Variants in NPLOC4 observed in about 807,000 individuals in gnomAD.
The protein encoded by NPLOC4 is NPL4 homolog, ubiquitin recognition factor.
NPLOC4 carries 18 observed loss-of-function variants against 80.6 expected under a neutral mutation model. That is an observed-to-expected ratio of 0.22 (90% CI 0.15 to 0.33). NPLOC4 has a LOEUF of 0.33. Ranked by LOEUF, NPLOC4 falls within the 10% of genes least tolerant of loss-of-function variation. The pLI is 1.00. For synonymous variants in NPLOC4, 313 were observed against 301.5 expected, an observed-to-expected ratio of 1.04 and a Z score of -0.39; for missense variants, 540 against 786.1, an observed-to-expected ratio of 0.69 and a Z score of 3.74.
chr17:81,569,263 T>A (rs1355875053), intron 13 of NPLOC4, among the ~76,000 whole-genome samples, 152 bp from the exon 14 acceptor site: 2 of 152,204 alleles, frequency 1.3e-5, no homozygotes. Flanking sequence ...GGAACCGTTA[T>A]CTATTAGTGT....
At chr17:81,610,044 G>A (rs1220360298) in intron 5 of NPLOC4, among the ~76,000 whole-genome samples, 166 bp downstream of exon 5, 1 of 152,196 alleles carries the variant, frequency 6.6e-6, no homozygotes, top group African/African-American at 2.4e-5. Flanking sequence ...GGCTCGTCCT[G>A]TGTGCAGCTT....
chr17:81,613,333 C>T lies in NPLOC4; in HGVS notation c.371G>A (p.Ser124Asn), dbSNP rs1293329011. Residue 124 changes from serine to asparagine, a missense_variant, in exon 4 of 17, where the codon AGC becomes AAC. Ser to Asn is a conservative substitution (Grantham distance 46). Around this residue, in one of 6 missense-constraint regions of NPLOC4, gnomAD observed 74 missense variants for 75.7 expected, o/e 0.98. Coordinates refer to ENST00000331134, the MANE Select transcript of NPLOC4 (RefSeq NM_017921.4). The stretch of plus-strand genomic sequence containing the variant: ...GATCACTTACAGCTGTGGGTCTCGG[C>T]TTCTGTAAATCTTCCCGTCCTGTTT... ...LSKQDGKIYR[S>N]RDPQLCRHGP... 1 of 1,613,478 alleles carries T rather than the reference C, an allele frequency of 6.2e-7. No homozygotes were observed. Among genetic ancestry groups the T allele is most frequent in the African/African-American group, 1.3e-5 (1 of 74,892 alleles).
rs1331370843 is a variant in NPLOC4 at position 81,615,211 on chromosome 17, T to C, written c.210-1717A>G. ...ATCTCACGGGTTTAAGCGATTCTCC[T>C]GCCTCAGCCTCCCAAGTAGCTGGGA... On this transcript the variant is annotated intron_variant, in intron 3 of 16. Coordinates refer to ENST00000331134, the MANE Select transcript of NPLOC4 (RefSeq NM_017921.4). Among the ~76,000 whole-genome samples the C allele has an allele frequency of 4.6e-5, 7 of 151,598 alleles. No homozygotes were observed. In the East Asian group the frequency reaches 9.8e-4, roughly 21 times the overall value.
intron 6 of NPLOC4, among the ~76,000 whole-genome samples, chr17:81,607,883 T>G (rs999405569): frequency 8.5e-5 from 13 of 152,208 alleles, no homozygotes; most frequent in African/African-American, 3.1e-4. Flanking sequence ...GAATATGACA[T>G]CCTTCACAAA....
At chr17:81,597,798 A>C (rs1490746445) in intron 9 of NPLOC4, among the ~76,000 whole-genome samples, 13 of 150,840 alleles carry the variant, frequency 8.6e-5, no homozygotes, top group Non-Finnish European at 1.8e-4. Context: ...AAAAAAAAAA[A>C]AAATTAGCTG....
intron 4 of NPLOC4, among the ~76,000 whole-genome samples, chr17:81,610,709 T>C (rs2035318997): frequency 9.8e-6 from 1 of 102,130 alleles, no homozygotes; most frequent in South Asian, 2.6e-4. Flanking sequence ...TCCCAGCACT[T>C]TGGGAGGCCG....
At chr17:81,612,433 G>T (rs2035365871) in intron 4 of NPLOC4, among the ~76,000 whole-genome samples, 1 of 152,188 alleles carries the variant, frequency 6.6e-6, no homozygotes, top group African/African-American at 2.4e-5. Flanking sequence ...CAGGCCCCTG[G>T]GAGGAGACAC....
At chr17:81,626,421 T>G (rs915311630) in intron 2 of NPLOC4, among the ~76,000 whole-genome samples, 12 of 152,084 alleles carry the variant, frequency 7.9e-5, no homozygotes, top group East Asian at 5.8e-4. Context: ...TCCAGGAAGT[T>G]CAGCAAACTC....
At chr17:81,582,563 G>A (rs1449768724) in intron 12 of NPLOC4, among the ~76,000 whole-genome samples, 12 of 152,236 alleles carry the variant, frequency 7.9e-5, no homozygotes, top group Admixed American at 5.9e-4. Flanking sequence ...CACAGCACCC[G>A]ACTAATTTTT....
rs1274419872 is a variant in NPLOC4, at chr17:81,572,869, A to G, written c.1282-781T>C. Among the ~76,000 whole-genome samples, 3 of 152,242 alleles carry G rather than the reference A, an allele frequency of 2.0e-5. No individual in the cohort carries two copies. The highest frequency in any genetic ancestry group is 2.0e-4 in the Admixed American group (3 of 15,286). Reference sequence around the variant, plus strand: ...CTTTCCAGAAACCGAGTACTTGGACATTAATAAAATAAAGGCATGCACAAA... The same window carrying G: ...CTTTCCAGAAACCGAGTACTTGGACGTTAATAAAATAAAGGCATGCACAAA... On this transcript the variant is annotated intron_variant, in intron 12 of 16. Transcript: ENST00000331134. The surrounding 1 kb of genome is among the most constrained non-coding windows in gnomAD (Gnocchi z 4.5).
chr17:81,569,095 G>C lies in NPLOC4; in HGVS notation c.1370C>G (p.Pro457Arg), dbSNP rs2034089825. Reference sequence around the variant, plus strand: ...AGAAAAAGTGTAAACTGGATCCTTGGGGAAAGTTGTTGTGATCTAATGAAG... The same window carrying C: ...AGAAAAAGTGTAAACTGGATCCTTGCGGAAAGTTGTTGTGATCTAATGAAG... ...YLIIDITTTF[P>R]KDPVYTFSIS... The change falls in exon 14 of 17, where the codon CCC (proline) becomes CGC (arginine). Residue 457 changes from proline to arginine, a missense_variant. By Grantham distance (103) the Pro-to-Arg change is moderately radical. This residue lies in a region of NPLOC4 where 251 missense variants were observed against 377.5 expected (regional missense o/e 0.66). Transcript: ENST00000331134. 1 of 1,611,906 alleles carries C rather than the reference G, an allele frequency of 6.2e-7. No individual in the cohort carries two copies. Among genetic ancestry groups the C allele is most frequent in the South Asian group, 1.1e-5 (1 of 91,030 alleles).
rs2033990483 is a variant in NPLOC4, at chr17:81,565,713, C to T, written c.1567-106G>A. 12 of 852,200 alleles carry T rather than the reference C, an allele frequency of 1.4e-5. No individual in the cohort carries two copies. The South Asian group carries it at 1.8e-4, about 13-fold the overall frequency. The allele number at this position is 852,200 out of a possible 1,614,324, so 52.8% of individuals were successfully genotyped here. A position where few individuals can be genotyped will look rare whatever the true frequency, so the allele number is the denominator to read the frequency against. ...CAACATCAAGACGTATTTCTGAGGA[C>T]ATTTTAAAAATCTTACAGGCTATCA... On this transcript the variant is annotated intron_variant, in intron 15 of 16. Coordinates refer to ENST00000331134, the MANE Select transcript of NPLOC4 (RefSeq NM_017921.4).
Position 81,557,064 on chromosome 17 carries a change from G to A in NPLOC4, c.*2195C>T, listed in dbSNP as rs1012588825. 6.6e-6 allele frequency: 1 copy of A among 152,294 alleles called. No individual in the cohort carries two copies. The highest frequency in any genetic ancestry group is 2.4e-5 in the African/African-American group (1 of 41,458). The allele number at this position is 152,294 out of a possible 1,614,324, so 9.4% of individuals were successfully genotyped here. ...GCCCCACCTCCTCTCGGGACCAGGAGACTGGCAGCCGCTGTGTTCACCTGG... is the reference window on the plus strand; with the variant it reads ...GCCCCACCTCCTCTCGGGACCAGGAAACTGGCAGCCGCTGTGTTCACCTGG... On this transcript the variant is annotated 3_prime_UTR_variant, in exon 17 of 17. Coordinates refer to ENST00000331134, the MANE Select transcript of NPLOC4 (RefSeq NM_017921.4).
At chr17:81,624,379 T>C (rs192983390) in intron 2 of NPLOC4, among the ~76,000 whole-genome samples, 46 of 152,072 alleles carry the variant, frequency 3.0e-4, no homozygotes, top group Non-Finnish European at 4.4e-4. Context: ...GATGGCGCCA[T>C]TGCACTCCAG....
chr17:81,609,841 C>G (rs2035296730), intron 5 of NPLOC4, among the ~76,000 whole-genome samples: 1 of 151,608 alleles, frequency 6.6e-6, no homozygotes, highest in Non-Finnish European at 1.5e-5. Context: ...CCAGGACAAA[C>G]CAGTAGAAGA....
Position 81,637,015 on chromosome 17 carries a change from A to G in NPLOC4, c.-85T>C. 1.1e-6 allele frequency: 1 copy of G among 917,084 alleles called. No individual in the cohort carries two copies. Among genetic ancestry groups the G allele is most frequent in the Non-Finnish European group, 1.4e-6 (1 of 713,022 alleles). The allele number at this position is 917,084 out of a possible 1,614,324, so 56.8% of individuals were successfully genotyped here. On this transcript the variant is annotated 5_prime_UTR_variant, in exon 1 of 17. Coordinates refer to ENST00000331134, the MANE Select transcript of NPLOC4 (RefSeq NM_017921.4). Reference sequence around the variant, plus strand: ...GCCTCGCAGACCCGGCCGCGGCCTCAGCCCCGGCCCCGGCCTCCCTACGCC... The same window carrying G: ...GCCTCGCAGACCCGGCCGCGGCCTCGGCCCCGGCCCCGGCCTCCCTACGCC...
intron 16 of NPLOC4, chr17:81,561,908 T>C (rs1228335599): frequency 2.6e-5 from 4 of 152,140 alleles, no homozygotes; most frequent in Non-Finnish European, 4.4e-5. Flanking sequence ...TGCTTCATAG[T>C]TTTACCTTTT....
chr17:81,561,254 A>G (rs545599895), intron 16 of NPLOC4, among the ~76,000 whole-genome samples: 35 of 152,014 alleles, frequency 2.3e-4, no homozygotes, highest in African/African-American at 8.0e-4. Context: ...ACCATGCCCG[A>G]CCTGCATTTC....
In NPLOC4 at chr17:81,565,700, G is replaced by A. The variant is rs146559859; in HGVS notation, c.1567-93C>T. On this transcript the variant is annotated intron_variant, in intron 15 of 16. Coordinates refer to ENST00000331134, the MANE Select transcript of NPLOC4 (RefSeq NM_017921.4). Reference sequence around the variant, plus strand: ...GTTTCTTTCTCCCCAACATCAAGACGTATTTCTGAGGACATTTTAAAAATC... The same window carrying A: ...GTTTCTTTCTCCCCAACATCAAGACATATTTCTGAGGACATTTTAAAAATC... 1,346 of 903,254 alleles carry A rather than the reference G, an allele frequency of 1.5e-3. 16 individuals carry two copies. In the African/African-American group the frequency reaches 0.02, roughly 13 times the overall value. The allele number at this position is 903,254 out of a possible 1,614,324, so 56.0% of individuals were successfully genotyped here. A position where few individuals can be genotyped will look rare whatever the true frequency, so the allele number is the denominator to read the frequency against.
Sources: allele counts gnomAD v4.1 joint callset (sites outside exome capture counted in the v4.1 genomes callset), GRCh38; gene constraint gnomAD v4.1.1; regional missense constraint gnomAD v4.1.1; non-coding constraint Gnocchi (gnomAD v3.1); transcripts MANE v1.5; gene names NCBI Gene and HGNC (gene_info 2026-07-23, HGNC 2026-07-21).